ADGRB1: variants seen among roughly 807,000 people sequenced by gnomAD.
ADGRB1 encodes brain-specific angiogenesis inhibitor 1.
Under a neutral mutation model 175.7 loss-of-function variants are expected in ADGRB1, and 36 were observed. The ratio of observed to expected loss-of-function variants is 0.20; its 90% CI spans 0.16 to 0.27. ADGRB1 has a LOEUF of 0.27. Among genes scored for constraint, ADGRB1 ranks in the 10% least tolerant of loss-of-function variants. The pLI, the probability that ADGRB1 is intolerant of heterozygous loss-of-function variation, is 1.00. For synonymous variants in ADGRB1, 1,054 were observed against 979.4 expected, an observed-to-expected ratio of 1.08 and a Z score of -1.42; for missense variants, 1,731 against 2,255.3, an observed-to-expected ratio of 0.77 and a Z score of 4.71.
chr8:142,475,520 C>T lies in ADGRB1; in HGVS notation c.831C>T (p.Cys277=). 1 of 1,293,762 alleles carries T rather than the reference C, an allele frequency of 7.7e-7. No homozygotes were observed. The allele number at this position is 1,293,762 out of a possible 1,614,324, so 80.1% of individuals were successfully genotyped here. ...TGTGGGGCGAATGCACGCGGGACTG[C>T]GGGGGAGGCCTCCAGACGCGGACGC... ...WSLWGECTRD[C]GGGLQTRTRT... is the part of the protein sequence containing the mutation. The change falls in exon 3 of 31, where the codon TGC becomes TGT. Residue 277 remains cysteine, a synonymous_variant. Coordinates refer to ENST00000517894, the MANE Select transcript of ADGRB1 (RefSeq NM_001702.3).
chr8:142,517,442 G>A (rs538019742), intron 18 of ADGRB1, among the ~76,000 whole-genome samples: 11 of 152,346 alleles, frequency 7.2e-5, no homozygotes, highest in African/African-American at 2.2e-4. Context: ...CCCCCATGCC[G>A]CTGTGGCGGG....
intron 9 of ADGRB1, among the ~76,000 whole-genome samples, chr8:142,480,060 C>G (rs1414413272): frequency 6.6e-6 from 1 of 152,230 alleles, no homozygotes; most frequent in East Asian, 1.9e-4. Flanking sequence ...ACCCAAGAAG[C>G]CGCCACCATT....
intron 2 of ADGRB1, among the ~76,000 whole-genome samples, chr8:142,472,594 T>A (rs1840732090): frequency 1.3e-5 from 2 of 152,152 alleles, no homozygotes; most frequent in Admixed American, 1.3e-4. Context: ...GACAAACATT[T>A]ACTGAGTGTC....
intron 24 of ADGRB1, among the ~76,000 whole-genome samples, chr8:142,530,370 A>G (rs528045744): frequency 1.3e-5 from 2 of 152,194 alleles, no homozygotes; most frequent in South Asian, 4.1e-4. Context: ...GCAGGGCGGT[A>G]TGGGCTCAGG....
chr8:142,476,977 G>A, intron 4 of ADGRB1, 137 bp from the exon 5 acceptor site: 3 of 1,269,550 alleles, frequency 2.4e-6, no homozygotes, highest in Non-Finnish European at 3.1e-6. Flanking sequence ...GATCAGCCTG[G>A]TTCGAAGGCC....
rs367978288 is a variant in ADGRB1 at position 142,544,192 on chromosome 8, C to A, written c.4558-28C>A. The A allele has an allele frequency of 3.3e-4, 508 of 1,546,608 alleles. 1 individual carries two copies. Among genetic ancestry groups the A allele is most frequent in the South Asian group, 1.3e-3 (110 of 83,746 alleles). ...TCATGGCTCTCCCTCCGGGCCCCAC[C>A]CCTCCTGCACCACGGGCCACCCAGC... On this transcript the variant is annotated intron_variant, in intron 30 of 30. Coordinates refer to ENST00000517894, the MANE Select transcript of ADGRB1 (RefSeq NM_001702.3).
intron 13 of ADGRB1, among the ~76,000 whole-genome samples, chr8:142,486,632 T>C (rs1841685230): frequency 6.6e-6 from 1 of 152,256 alleles, no homozygotes; most frequent in South Asian, 2.1e-4. Flanking sequence ...TCGTGCCTAT[T>C]GTACTTGAAC....
At chr8:142,459,847 G>A (rs1839878515) in intron 1 of ADGRB1, among the ~76,000 whole-genome samples, 1 of 152,178 alleles carries the variant, frequency 6.6e-6, no homozygotes, top group African/African-American at 2.4e-5. Flanking sequence ...TGTCCACATT[G>A]ACCTTCCTCC....
chr8:142,487,063 C>T (rs1841705557), intron 13 of ADGRB1, among the ~76,000 whole-genome samples: 1 of 152,210 alleles, frequency 6.6e-6, no homozygotes, highest in South Asian at 2.1e-4. Flanking sequence ...TGAAATGCCT[C>T]AGCTAGAAAC....
At chr8:142,487,853 A>C (rs1841757618) in intron 13 of ADGRB1, among the ~76,000 whole-genome samples, 1 of 152,112 alleles carries the variant, frequency 6.6e-6, no homozygotes, top group African/African-American at 2.4e-5. Context: ...ACCGTGGCCC[A>C]TACTGCCCTT....
Position 142,511,123 on chromosome 8 carries a change from C to T in ADGRB1, c.2817+50C>T. ...GAGGGGCGCCGGGCAGGGGCGCGGG[C>T]GGGGGCTGCCGGCGGGCCTGCGGGT... On this transcript the variant is annotated intron_variant, in intron 18 of 30. Transcript: ENST00000517894. This position sits in a 1 kb window ranked among gnomAD's most constrained non-coding sequence, Gnocchi z 4.5. 2 of 1,050,802 alleles carry T rather than the reference C, an allele frequency of 1.9e-6. No individual in the cohort carries two copies. Among genetic ancestry groups the T allele is most frequent in the South Asian group, 8.8e-5 (2 of 22,780 alleles). The allele number at this position is 1,050,802 out of a possible 1,614,324, so 65.1% of individuals were successfully genotyped here.
intron 12 of ADGRB1, among the ~76,000 whole-genome samples, 200 bp downstream of exon 12, chr8:142,484,245 CATTTA>C (rs2131846257): frequency 6.6e-6 from 1 of 152,332 alleles, no homozygotes; most frequent in African/African-American, 2.4e-5. Context: ...TAAGGACAGT[CATTTA>C]TTTCCTGGGG....
At chr8:142,530,184 T>G (rs1423551901) in intron 24 of ADGRB1, among the ~76,000 whole-genome samples, 3 of 152,052 alleles carry the variant, frequency 2.0e-5, no homozygotes, top group Non-Finnish European at 4.4e-5. Flanking sequence ...TATGAGCGTG[T>G]GAGCATTGTG....
At chr8:142,518,371 G>A (rs1563733410) in intron 19 of ADGRB1, 130 bp downstream of exon 19, 16 of 973,124 alleles carry the variant, frequency 1.6e-5, no homozygotes, top group South Asian at 1.5e-4. Flanking sequence ...AGTCACCTCC[G>A]CATTTGCCAC....
intron 1 of ADGRB1, among the ~76,000 whole-genome samples, chr8:142,459,844 A>G (rs1051858323): frequency 6.6e-6 from 1 of 152,136 alleles, no homozygotes; most frequent in Non-Finnish European, 1.5e-5. Flanking sequence ...CCCTGTCCAC[A>G]TTGACCTTCC....
In ADGRB1 at chr8:142,515,171, C is replaced by T. The variant is rs572748759; in HGVS notation, c.2818-2967C>T. 2.2e-3 allele frequency among the ~76,000 whole-genome samples: 337 copies of T among 152,170 alleles called. 2 individuals are homozygous for T. The highest frequency in any genetic ancestry group is 3.7e-3 in the Non-Finnish European group (252 of 67,982). On this transcript the variant is annotated intron_variant, in intron 18 of 30. Transcript: ENST00000517894. ...TGACTTCTGTGCTGGGAGGAGAGCC[C>T]GGCGCCTGAAGGTCAGGGAAGGCGT...
At chr8:142,515,531 G>C (rs372491573) in intron 18 of ADGRB1, among the ~76,000 whole-genome samples, 25 of 152,340 alleles carry the variant, frequency 1.6e-4, no homozygotes, top group African/African-American at 6.0e-4. Flanking sequence ...GCCTGAGCCA[G>C]CCTCAGAGCA....
chr8:142,509,735 AG>A (rs751775531), intron 17 of ADGRB1, among the ~76,000 whole-genome samples: 20 of 152,202 alleles, frequency 1.3e-4, no homozygotes, highest in Non-Finnish European at 2.6e-4. Context: ...CCGGCTACTT[AG>A]GGAGGAATGA....
chr8:142,464,194 C>T lies in ADGRB1; in HGVS notation c.-5C>T, dbSNP rs1226897789. On this transcript the variant is annotated 5_prime_UTR_variant, in exon 2 of 31. Coordinates refer to ENST00000517894, the MANE Select transcript of ADGRB1 (RefSeq NM_001702.3). ...CGCGGAACCCCGGCGGCCCCGCGAG[C>T]TAGGATGAGGGGCCAGGCCGCCGCC... 7.9e-7 allele frequency: 1 copy of T among 1,266,790 alleles called. No individual in the cohort carries two copies. The highest frequency in any genetic ancestry group is 1.6e-5 in the African/African-American group (1 of 64,084). The allele number at this position is 1,266,790 out of a possible 1,614,324, so 78.5% of individuals were successfully genotyped here. A position where few individuals can be genotyped will look rare whatever the true frequency, so the allele number is the denominator to read the frequency against.
Sources: allele counts gnomAD v4.1 joint callset (sites outside exome capture counted in the v4.1 genomes callset), GRCh38; gene constraint gnomAD v4.1.1; non-coding constraint Gnocchi (gnomAD v3.1); transcripts MANE v1.5; gene names NCBI Gene and HGNC (gene_info 2026-07-23, HGNC 2026-07-21).